The following F7 variants were observed in gnomAD, a reference collection of about 807,000 sequenced individuals.
The protein encoded by F7 is coagulation factor VII.
Under a neutral mutation model 47.5 loss-of-function variants are expected in F7, and 38 were observed. That is an observed-to-expected ratio of 0.80 (90% CI 0.62 to 1.05). The LOEUF (loss-of-function observed/expected upper bound fraction) is 1.05. Ranked by LOEUF, F7 falls within the 50% of genes least tolerant of loss-of-function variation. The pLI is 0.00. For synonymous variants in F7, 244 were observed against 258.5 expected (o/e 0.94, Z 0.54); for missense variants, 575 against 605.4 (o/e 0.95, Z 0.53).
rs772177488 is a variant in F7, at chr13:113,118,402, C to A, written c.740-11C>A. 1 of 1,585,704 alleles carries A rather than the reference C, an allele frequency of 6.3e-7. No homozygotes were observed. Among genetic ancestry groups the A allele is most frequent in the Non-Finnish European group, 8.6e-7 (1 of 1,166,696 alleles). ...GGTGGAAAGGGCCTGAGGGGGGCTT[C>A]TTCCTTCCAGGCGAGCACGACCTCA... On this transcript the variant is annotated splice_polypyrimidine_tract_variant and intron_variant, in intron 7 of 7. Coordinates refer to ENST00000346342, the MANE Select transcript of F7 (RefSeq NM_019616.4).
At chr13:113,111,975 G>GGC (rs2036106846) in intron 2 of F7, among the ~76,000 whole-genome samples, 3 of 124,872 alleles carry the variant, frequency 2.4e-5, no homozygotes, top group Non-Finnish European at 3.3e-5. Flanking sequence ...CCTCACACAG[G>GGC]ACACCTCACA....
chr13:113,112,013 C>T (rs1446029526), intron 2 of F7, among the ~76,000 whole-genome samples: 1 of 142,382 alleles, frequency 7.0e-6, no homozygotes, highest in Non-Finnish European at 1.5e-5. Flanking sequence ...ACCCACAGGT[C>T]ATTTCACCTC....
rs3093252 is a variant in F7, at chr13:113,119,709, GCACA to G, written c.*709_*712del. On this transcript the variant is annotated 3_prime_UTR_variant, in exon 8 of 8. Transcript: ENST00000346342. The stretch of plus-strand genomic sequence containing the variant: ...CACAGATATGCACACACATGGATGA[GCACA>G]CACACACCAATGCGCACACACACCG... The G allele has an allele frequency of 1.4e-4, 21 of 151,964 alleles. No homozygotes were observed. The highest frequency in any genetic ancestry group is 3.7e-4 in the African/African-American group (15 of 40,788). 9.4% of individuals were successfully genotyped at this position (151,964 alleles called of 1,614,324 possible).
At chr13:113,109,843 G>A in intron 1 of F7, among the ~76,000 whole-genome samples, 1 of 152,202 alleles carries the variant, frequency 6.6e-6, no homozygotes, top group Non-Finnish European at 1.5e-5. Flanking sequence ...GCTCCCGGGT[G>A]ACGGTCCCCT....
At chr13:113,105,999 C>T (rs1392804871) in intron 1 of F7, 94 bp downstream of exon 1, 28 of 1,104,164 alleles carry the variant, frequency 2.5e-5, no homozygotes, top group Admixed American at 6.7e-5. Flanking sequence ...GCCCTTGCTC[C>T]GGACACCCCC....
At chr13:113,107,253 CGGG>C (rs2035979148) in intron 1 of F7, among the ~76,000 whole-genome samples, 2 of 149,282 alleles carry the variant, frequency 1.3e-5, no homozygotes, top group African/African-American at 2.5e-5. Context: ...GTGGGTGTCC[CGGG>C]AGTGTGGGTG....
In F7 at chr13:113,115,613, G is replaced by A. The variant is rs377588449; in HGVS notation, c.365-47G>A. 203 of 1,599,660 alleles carry A rather than the reference G, an allele frequency of 1.3e-4. No individual in the cohort carries two copies. The South Asian group carries it at 1.7e-3, about 13-fold the overall frequency. ...ATGGCCACCCCGGGGGCTGGCTCTC[G>A]CTGACCCCCAGAAGCCCCTCTCAGG... On this transcript the variant is annotated intron_variant, in intron 4 of 7. Transcript: ENST00000346342.
Position 113,113,704 on chromosome 13 carries a change from G to C in F7, c.226-48G>C. 6.3e-7 allele frequency: 1 copy of C among 1,580,520 alleles called. No individual in the cohort carries two copies. Among genetic ancestry groups the C allele is most frequent in the Non-Finnish European group, 8.7e-7 (1 of 1,149,440 alleles). On this transcript the variant is annotated intron_variant, in intron 2 of 7. Transcript: ENST00000346342. The surrounding 1 kb of genome is among the most constrained non-coding windows in gnomAD (Gnocchi z 4.1). ...GTGTGTCCAGTGCTTACCGTTGGGT[G>C]CTCTGGTGAAGGTGCATCTCACGAG...
chr13:113,110,904 C>A, intron 2 of F7, 54 bp downstream of exon 2: 1 of 1,535,224 alleles, frequency 6.5e-7, no homozygotes, highest in Non-Finnish European at 8.8e-7. Flanking sequence ...CGGCGGTGAA[C>A]CAGGCCGCGT....
At position 113,118,782 on chromosome 13, in the gene F7, A is replaced by G; in HGVS notation, c.1109A>G (p.Tyr370Cys). Residue 370 changes from tyrosine to cysteine, a missense_variant, in exon 8 of 8, where the codon TAC becomes TGC. Coordinates refer to ENST00000346342, the MANE Select transcript of F7 (RefSeq NM_019616.4). The stretch of plus-strand genomic sequence containing the variant: ...ACGGAGTACATGTTCTGTGCCGGCT[A>G]CTCGGATGGCAGCAAGGACTCCTGC... The part of the protein sequence containing the change: ...NITEYMFCAG[Y>C]SDGSKDSCKG... 1.9e-6 allele frequency: 3 copies of G among 1,613,088 alleles called. No homozygotes were observed. In the East Asian group the frequency reaches 6.7e-5, roughly 36 times the overall value.
intron 7 of F7, 69 bp from the exon 8 acceptor site, chr13:113,118,344 C>T: frequency 6.7e-7 from 1 of 1,495,316 alleles, no homozygotes; most frequent in Non-Finnish European, 9.1e-7. Context: ...GGCCACAGCC[C>T]ATCCCCATGC....
At chr13:113,110,510 G>C in intron 1 of F7, 180 bp from the exon 2 acceptor site, 1 of 753,946 alleles carries the variant, frequency 1.3e-6, no homozygotes, top group South Asian at 1.9e-5. Context: ...ATGGGCGACG[G>C]GGGTGGCTGA....
rs1033443053 is a variant in F7, at chr13:113,119,742, TACACACACAGATGC to T, written c.*742_*755del. 3.3e-5 allele frequency: 5 copies of T among 151,712 alleles called. No homozygotes were observed. The highest frequency in any genetic ancestry group is 1.2e-4 in the African/African-American group (5 of 40,960). The allele number at this position is 151,712 out of a possible 1,614,324, so 9.4% of individuals were successfully genotyped here. A position where few individuals can be genotyped will look rare whatever the true frequency, so the allele number is the denominator to read the frequency against. ...ACACCAATGCGCACACACACCGATG[TACACACACAGATGC>T]ACACACAGATGCACACACACCGATG... On this transcript the variant is annotated 3_prime_UTR_variant, in exon 8 of 8. Transcript: ENST00000346342.
At position 113,119,011 on chromosome 13, in the gene F7, C is replaced by T. The variant is rs1160287575; in HGVS notation, c.*3C>T. ...TCCTGCGAGCCCCATTTCCCTAGCC[C>T]AGCAGCCCTGGCCTGTGGAGAGAAA... On this transcript the variant is annotated 3_prime_UTR_variant, in exon 8 of 8. Coordinates refer to ENST00000346342, the MANE Select transcript of F7 (RefSeq NM_019616.4). 4 of 1,598,456 alleles carry T rather than the reference C, an allele frequency of 2.5e-6. No individual in the cohort carries two copies. The highest frequency in any genetic ancestry group is 1.7e-5 in the Admixed American group (1 of 59,946).
chr13:113,107,244 TG>T (rs1214241065), intron 1 of F7, among the ~76,000 whole-genome samples: 1 of 149,430 alleles, frequency 6.7e-6, no homozygotes, highest in Admixed American at 6.7e-5. Flanking sequence ...TCCAAGGGTG[TG>T]GGTGTCCCGG....
chr13:113,111,614 C>T (rs1478079381), intron 2 of F7, among the ~76,000 whole-genome samples: 1 of 125,252 alleles, frequency 8.0e-6, no homozygotes, highest in African/African-American at 3.1e-5. Flanking sequence ...GGACACCTCA[C>T]ACAGGGCACA....
At chr13:113,114,512 T>G (rs2036160137) in intron 4 of F7, 1 of 173,052 alleles carries the variant, frequency 5.8e-6, no homozygotes, top group Admixed American at 5.4e-5. Flanking sequence ...GGCACAAGCT[T>G]CCCCTTGTCC....
chr13:113,106,920 G>T, intron 1 of F7: 2 of 1,598,138 alleles, frequency 1.3e-6, no homozygotes, highest in Non-Finnish European at 1.7e-6. Context: ...GGTGAGCAGG[G>T]ACTGCCACTG....
chr13:113,118,583 C>A lies in F7; in HGVS notation c.910C>A (p.Arg304=). The A allele has an allele frequency of 6.2e-7, 1 of 1,612,806 alleles. No homozygotes were observed. The highest frequency in any genetic ancestry group is 1.1e-5 in the South Asian group (1 of 91,070). The part of the protein sequence containing the change: ...DHVVPLCLPE[R]TFSERTLAFV... ...TGTGGTGCCCCTCTGCCTGCCCGAACGGACGTTCTCTGAGAGGACGCTGGC... is the reference window on the plus strand; with the variant it reads ...TGTGGTGCCCCTCTGCCTGCCCGAAAGGACGTTCTCTGAGAGGACGCTGGC... Residue 304 remains arginine, a synonymous_variant, in exon 8 of 8, where the codon CGG becomes AGG. Coordinates refer to ENST00000346342, the MANE Select transcript of F7 (RefSeq NM_019616.4).
Sources: gnomAD v4.1 joint callset for allele counts (sites outside exome capture counted in the v4.1 genomes callset) on GRCh38, gnomAD v4.1.1 for gene constraint, Gnocchi (gnomAD v3.1) non-coding constraint, MANE v1.5 for transcripts, NCBI Gene and HGNC (gene_info 2026-07-23, HGNC 2026-07-21) for gene names.